USO1: variants seen among roughly 807,000 people sequenced by gnomAD.
USO1 encodes USO1 vesicle transport factor, also known as general vesicular transport factor p115.
In USO1, 57 loss-of-function variants were observed where a neutral mutation model predicts 124.5. That is an observed-to-expected ratio of 0.46 (90% CI 0.37 to 0.57). The LOEUF (loss-of-function observed/expected upper bound fraction) is 0.57. Ranked by LOEUF, USO1 falls within the 20% of genes least tolerant of loss-of-function variation. The pLI is 0.00. For missense variants in USO1, 900 were observed against 1,040.6 expected, an observed-to-expected ratio of 0.86 and a Z score of 1.86; for synonymous variants, 369 against 362.8, an observed-to-expected ratio of 1.02 and a Z score of -0.19.
intron 12 of USO1, among the ~76,000 whole-genome samples, chr4:75,792,909 A>G (rs796767114): frequency 4.6e-5 from 7 of 152,234 alleles, no homozygotes; most frequent in African/African-American, 1.7e-4. Flanking sequence ...AGATCCCACA[A>G]ATAAAGGCAA....
intron 1 of USO1, among the ~76,000 whole-genome samples, chr4:75,730,444 T>C (rs1424871659): frequency 6.6e-6 from 1 of 152,154 alleles, no homozygotes; most frequent in Admixed American, 6.5e-5. Context: ...CAAATTTATC[T>C]GACCAGACCT....
chr4:75,788,144 C>T (rs1038348429), intron 10 of USO1, among the ~76,000 whole-genome samples: 6 of 147,802 alleles, frequency 4.1e-5, no homozygotes, highest in African/African-American at 1.5e-4. Flanking sequence ...TTATCTGGAT[C>T]CTATATCTTT....
chr4:75,777,783 G>A (rs1193213157), intron 8 of USO1, among the ~76,000 whole-genome samples: 1 of 152,208 alleles, frequency 6.6e-6, no homozygotes, highest in Non-Finnish European at 1.5e-5. Flanking sequence ...CAGTTTGGTG[G>A]TTTCTCACAA....
intron 1 of USO1, among the ~76,000 whole-genome samples, chr4:75,728,785 CTTTTGT>C (rs1168996280): frequency 6.6e-6 from 1 of 151,906 alleles, no homozygotes; most frequent in Non-Finnish European, 1.5e-5. Flanking sequence ...GAGTCATGTA[CTTTTGT>C]TTTTGTTTTT....
rs1315191778 is a variant in USO1, at chr4:75,812,251, A to G, written c.2675A>G (p.Lys892Arg). The change falls in exon 23 of 24, where the codon AAA (lysine) becomes AGA (arginine). Residue 892 changes from lysine to arginine, a missense_variant. Physicochemically the swap from Lys to Arg is conservative, Grantham distance 26. Coordinates refer to ENST00000514213, the MANE Select transcript of USO1 (RefSeq NM_003715.4). The stretch of plus-strand genomic sequence containing the variant: ...ACCATTGCCATTTTACAAACTGAGA[A>G]AGACAAACTAGAGTTGGAAATTACA... ...NSTIAILQTE[K>R]DKLELEITDS... The G allele has an allele frequency of 8.1e-6, 13 of 1,609,866 alleles. No individual in the cohort carries two copies. The highest frequency in any genetic ancestry group is 1.1e-5 in the Non-Finnish European group (13 of 1,178,024).
rs374111283 is a variant in USO1, at chr4:75,810,587, A to G, written c.2583+48A>G. 311 of 1,516,884 alleles carry G rather than the reference A, an allele frequency of 2.1e-4. 1 individual carries two copies. In the African/African-American group the frequency reaches 4.1e-3, roughly 20 times the overall value. The allele number at this position is 1,516,884 out of a possible 1,614,324, so 94.0% of individuals were successfully genotyped here. A position where few individuals can be genotyped will look rare whatever the true frequency, so the allele number is the denominator to read the frequency against. ...ATTTACTGCATATGATATGAAATGA[A>G]CTCTAGGAAATTTTATATATCTTTC... is the stretch of plus-strand genomic sequence containing the variant. On this transcript the variant is annotated intron_variant, in intron 22 of 23. Transcript: ENST00000514213.
chr4:75,742,524 A>G (rs969309686), intron 1 of USO1, among the ~76,000 whole-genome samples: 2 of 152,296 alleles, frequency 1.3e-5, no homozygotes, highest in South Asian at 4.1e-4. Flanking sequence ...CTGTAATCTT[A>G]CCTATCTTCA....
intron 20 of USO1, among the ~76,000 whole-genome samples, chr4:75,808,159 A>T (rs1025776742): frequency 6.6e-6 from 1 of 152,168 alleles, no homozygotes; most frequent in African/African-American, 2.4e-5. Context: ...CCATTGTTAT[A>T]ATTGCCTTTC....
intron 21 of USO1, among the ~76,000 whole-genome samples, chr4:75,809,545 A>C (rs1336326405): frequency 6.6e-6 from 1 of 152,172 alleles, no homozygotes; most frequent in Non-Finnish European, 1.5e-5. Context: ...ACCTCAGTAA[A>C]ATATCCAAAT....
In USO1 at chr4:75,769,656, T is replaced by G. The variant is rs991334060; in HGVS notation, c.296-783T>G. On this transcript the variant is annotated intron_variant, in intron 4 of 23. Coordinates refer to ENST00000514213, the MANE Select transcript of USO1 (RefSeq NM_003715.4). ...GTGAGTGAGAGAATGGGAAGTAGTATGTTTGCATCACTAATTTGAGTTTAT... is the reference window on the plus strand; with the variant it reads ...GTGAGTGAGAGAATGGGAAGTAGTAGGTTTGCATCACTAATTTGAGTTTAT... Among the ~76,000 whole-genome samples, 3 of 152,226 alleles carry G rather than the reference T, an allele frequency of 2.0e-5. No homozygotes were observed. The East Asian group carries it at 5.8e-4, about 29-fold the overall frequency.
intron 4 of USO1, among the ~76,000 whole-genome samples, chr4:75,759,667 G>A (rs184927492): frequency 1.6e-4 from 24 of 151,288 alleles, no homozygotes; most frequent in South Asian, 4.2e-4. Flanking sequence ...CCAGTACTTC[G>A]GGACACCGAG....
chr4:75,729,767 T>C (rs1382003865), intron 1 of USO1: 1 of 161,622 alleles, frequency 6.2e-6, no homozygotes. Context: ...AAGTTGCTAA[T>C]GTCCAGAAAA....
intron 5 of USO1, 63 bp downstream of exon 5, chr4:75,770,602 T>C (rs1721900357): frequency 6.6e-7 from 1 of 1,511,834 alleles, no homozygotes; most frequent in African/African-American, 1.4e-5. Context: ...CTTTTGGATG[T>C]TATTGAGGAA....
chr4:75,812,489 G>C (rs1001021036), intron 23 of USO1, 114 bp downstream of exon 23: 1 of 1,310,252 alleles, frequency 7.6e-7, no homozygotes, highest in Middle Eastern at 2.7e-4. Flanking sequence ...ATGGATATGT[G>C]GGTTCATGAA....
chr4:75,789,016 A>G (rs563257411), intron 10 of USO1, among the ~76,000 whole-genome samples: 21 of 152,094 alleles, frequency 1.4e-4, no homozygotes, highest in South Asian at 4.1e-4. Flanking sequence ...CAGTGTTGCT[A>G]TTAGGAAGTT....
Position 75,800,605 on chromosome 4 carries a change from C to T in USO1, c.1683-13C>T. 2.0e-6 allele frequency: 3 copies of T among 1,536,992 alleles called. No individual in the cohort carries two copies. Among genetic ancestry groups the T allele is most frequent in the Non-Finnish European group, 2.6e-6 (3 of 1,150,070 alleles). ...ATTTTTTTTAAAGCATCTCAATATG[C>T]TTATCTCCGTAGAGAGAAGCTAAAA... On this transcript the variant is annotated splice_polypyrimidine_tract_variant and intron_variant, in intron 15 of 23. Coordinates refer to ENST00000514213, the MANE Select transcript of USO1 (RefSeq NM_003715.4).
intron 21 of USO1, 99 bp downstream of exon 21, chr4:75,809,150 C>G: frequency 2.2e-6 from 3 of 1,348,646 alleles, no homozygotes; most frequent in East Asian, 5.8e-5. Flanking sequence ...TCAGATAGCA[C>G]CTTCTCTTTA....
chr4:75,779,030 A>T (rs777657764), intron 8 of USO1, among the ~76,000 whole-genome samples: 2 of 152,146 alleles, frequency 1.3e-5, no homozygotes, highest in Non-Finnish European at 2.9e-5. Flanking sequence ...AAGTTTCATT[A>T]TTATATCTGT....
intron 3 of USO1, among the ~76,000 whole-genome samples, chr4:75,752,910 A>G (rs1457479805): frequency 1.3e-5 from 2 of 152,214 alleles, no homozygotes; most frequent in Admixed American, 6.5e-5. Context: ...AGTGCGAGCC[A>G]CTGTGTTAAG....
Sources: allele counts gnomAD v4.1 joint callset (sites outside exome capture counted in the v4.1 genomes callset), GRCh38; gene constraint gnomAD v4.1.1; transcripts MANE v1.5; gene names NCBI Gene and HGNC (gene_info 2026-07-23, HGNC 2026-07-21).